Variants in RBFOX1 observed in about 807,000 individuals in gnomAD.
RBFOX1 encodes RNA binding fox-1 homolog 1.
In RBFOX1, 8 loss-of-function variants were observed where a neutral mutation model predicts 57.7. That is an observed-to-expected ratio of 0.14 (90% CI 0.08 to 0.25). The LOEUF is 0.25. Among genes scored for constraint, RBFOX1 ranks in the 10% least tolerant of loss-of-function variants. The pLI is 1.00. For synonymous variants in RBFOX1, 326 were observed against 222.4 expected, an observed-to-expected ratio of 1.47 and a Z score of -4.15; for missense variants, 611 against 548.5, an observed-to-expected ratio of 1.11 and a Z score of -1.14.
At position 5,643,114 on chromosome 16, in the gene RBFOX1, G is replaced by T. The variant is rs1252759426; in HGVS notation, c.318+44153G>T. On this transcript the variant is annotated intron_variant, in intron 3 of 19. Coordinates refer to the RBFOX1 transcript ENST00000641259. The stretch of plus-strand genomic sequence containing the variant: ...TCCGTGTTAACCTCTAAAAGCCTCA[G>T]CAGCCAGCCTCTAGGCAGATGCTAG... Among the ~76,000 whole-genome samples the T allele has an allele frequency of 4.6e-5, 7 of 152,294 alleles. No individual in the cohort carries two copies. In the South Asian group the frequency reaches 1.2e-3, roughly 27 times the overall value.
At chr16:5,593,398 G>T (rs766176760) in intron 2 of RBFOX1, among the ~76,000 whole-genome samples, 2 of 152,062 alleles carry the variant, frequency 1.3e-5, no homozygotes, top group Non-Finnish European at 2.9e-5. Context: ...GTAGATGATG[G>T]GTTGATGGGT....
chr16:7,609,180 C>G (rs1568073260), intron 10 of RBFOX1, among the ~76,000 whole-genome samples: 1 of 152,204 alleles, frequency 6.6e-6, no homozygotes, highest in Non-Finnish European at 1.5e-5. Flanking sequence ...ATGCACATAT[C>G]TGAGTGCATA....
chr16:5,380,740 G>C (rs1267394500), intron 1 of RBFOX1, among the ~76,000 whole-genome samples: 1 of 152,208 alleles, frequency 6.6e-6, no homozygotes, highest in Non-Finnish European at 1.5e-5. Flanking sequence ...AAGGGATGGA[G>C]GTGAGATCCA....
At chr16:5,528,576 CTTG>C (rs1331149564) in intron 2 of RBFOX1, among the ~76,000 whole-genome samples, 1 of 118,040 alleles carries the variant, frequency 8.5e-6, no homozygotes, top group Non-Finnish European at 1.7e-5. Context: ...CTGGCTTCTT[CTTG>C]TCCGATCCCC....
At chr16:6,288,801 G>T (rs1253444301) in intron 1 of RBFOX1, among the ~76,000 whole-genome samples, 1 of 152,112 alleles carries the variant, frequency 6.6e-6, no homozygotes, top group Non-Finnish European at 1.5e-5. Flanking sequence ...CTGCATTGTA[G>T]AGTGTGTTTT....
chr16:5,572,979 C>A (rs547293607), intron 2 of RBFOX1, among the ~76,000 whole-genome samples: 3 of 152,032 alleles, frequency 2.0e-5, no homozygotes, highest in Admixed American at 6.5e-5. Context: ...GGAAGAATGG[C>A]GTGACCTGAC....
intron 4 of RBFOX1, among the ~76,000 whole-genome samples, chr16:7,084,782 C>G (rs1194183301): frequency 6.6e-6 from 1 of 152,212 alleles, no homozygotes; most frequent in Non-Finnish European, 1.5e-5. Flanking sequence ...GTACACACAA[C>G]CATGATGTGT....
chr16:6,557,016 C>CATACAT (rs2097108403), intron 2 of RBFOX1, among the ~76,000 whole-genome samples: 3 of 144,044 alleles, frequency 2.1e-5, no homozygotes, highest in African/African-American at 7.7e-5. Context: ...CATATATATA[C>CATACAT]ATATATATAC....
chr16:6,931,333 CTA>C (rs1374643699), intron 3 of RBFOX1, among the ~76,000 whole-genome samples: 45 of 126,688 alleles, frequency 3.6e-4, no homozygotes, highest in Non-Finnish European at 5.1e-4. Context: ...ATCTATCTAT[CTA>C]TCTCTACACA....
At chr16:6,654,730 C>A (rs1450511025) in intron 3 of RBFOX1, 80 bp downstream of exon 3, 2 of 1,076,828 alleles carry the variant, frequency 1.9e-6, no homozygotes, top group Non-Finnish European at 2.6e-6. Context: ...TAAGGCATGC[C>A]CCTCTCGATG....
intron 3 of RBFOX1, among the ~76,000 whole-genome samples, chr16:5,742,907 A>G (rs951189880): frequency 6.6e-6 from 1 of 152,212 alleles, no homozygotes; most frequent in Non-Finnish European, 1.5e-5. Flanking sequence ...GATAAAGTGT[A>G]GGTGAGTCTA....
intron 3 of RBFOX1, among the ~76,000 whole-genome samples, chr16:6,943,240 C>A (rs574733993): frequency 6.6e-6 from 1 of 152,176 alleles, no homozygotes; most frequent in Non-Finnish European, 1.5e-5. Context: ...CAAGAGAAAG[C>A]CAGCAGTCAA....
intron 1 of RBFOX1, among the ~76,000 whole-genome samples, chr16:5,456,301 A>G (rs567923707): frequency 6.6e-6 from 1 of 152,140 alleles, no homozygotes; most frequent in Non-Finnish European, 1.5e-5. Context: ...TATTTATTTC[A>G]AGGTTGTGTT....
chr16:6,688,321 C>G (rs143442241), intron 3 of RBFOX1, among the ~76,000 whole-genome samples: 1,589 of 152,212 alleles, frequency 0.01, 25 homozygotes, highest in African/African-American at 0.036. Flanking sequence ...GGAGATGGTG[C>G]TAAACCATTA....
Position 7,105,288 on chromosome 16 carries a change from A to AT in RBFOX1, c.27+53208dup, listed in dbSNP as rs58447850. Among the ~76,000 whole-genome samples the AT allele has an allele frequency of 4.3e-3, 595 of 138,208 alleles. 1 individual carries two copies. The highest frequency in any genetic ancestry group is 0.011 in the African/African-American group (398 of 36,752). The allele number at this position is 138,208 out of a possible 152,430, so 90.7% of individuals were successfully genotyped here. A position where few individuals can be genotyped will look rare whatever the true frequency, so the allele number is the denominator to read the frequency against. On this transcript the variant is annotated intron_variant, in intron 4 of 15. Transcript: ENST00000550418. ...TTTTTCTCTGGAACCATATGGTCTG[A>AT]TTTTTTTTTTTTTTTTTTGGCTTCA...
At chr16:5,840,050 T>C (rs2151844386) in intron 3 of RBFOX1, among the ~76,000 whole-genome samples, 1 of 152,286 alleles carries the variant, frequency 6.6e-6, no homozygotes, top group Admixed American at 6.5e-5. Flanking sequence ...ACCAAGGCAC[T>C]CATAATCCAT....
chr16:7,525,165 A>G (rs911025096), intron 5 of RBFOX1, among the ~76,000 whole-genome samples: 6 of 152,054 alleles, frequency 3.9e-5, no homozygotes, highest in Non-Finnish European at 8.8e-5. Flanking sequence ...TTCAATCTTT[A>G]TATCTTATAA....
intron 2 of RBFOX1, among the ~76,000 whole-genome samples, chr16:6,639,263 TTCTG>T (rs1388935283): frequency 2.0e-5 from 3 of 152,230 alleles, no homozygotes; most frequent in Admixed American, 6.5e-5. Context: ...TCTGATGTCT[TTCTG>T]TCTATCTGAT....
chr16:6,472,212 G>C (rs2095192715), intron 2 of RBFOX1, among the ~76,000 whole-genome samples: 1 of 152,212 alleles, frequency 6.6e-6, no homozygotes, highest in South Asian at 2.1e-4. Context: ...GTCTGACCCA[G>C]GTCCCTGGAC....
Sources: allele counts gnomAD v4.1 joint callset (sites outside exome capture counted in the v4.1 genomes callset), GRCh38; gene constraint gnomAD v4.1.1; transcripts MANE v1.5; gene names NCBI Gene and HGNC (gene_info 2026-07-23, HGNC 2026-07-21).